The following PRICKLE1 variants were observed in gnomAD, a reference collection of about 807,000 sequenced individuals.
PRICKLE1 encodes prickle planar cell polarity protein 1, also known as prickle-like protein 1.
Under a neutral mutation model 70.2 loss-of-function variants are expected in PRICKLE1, and 14 were observed. The ratio of observed to expected loss-of-function variants is 0.20; its 90% CI spans 0.13 to 0.31. The LOEUF (loss-of-function observed/expected upper bound fraction) is 0.31. Ranked by LOEUF, PRICKLE1 falls within the 10% of genes least tolerant of loss-of-function variation. PRICKLE1 has a pLI of 1.00. For synonymous variants in PRICKLE1, 357 were observed against 379.9 expected, an observed-to-expected ratio of 0.94 and a Z score of 0.70; for missense variants, 821 against 1,026.2, an observed-to-expected ratio of 0.80 and a Z score of 2.73.
At position 42,459,362 on chromosome 12, in the gene PRICKLE1, G is replaced by A. The variant is rs1402057293; in HGVS notation, c.*447C>T. ...CCTCACAATAAGATGCACAGTGTTA[G>A]CTAGGTCATCGTGACAGGCATGCCT... On this transcript the variant is annotated 3_prime_UTR_variant, in exon 8 of 8. Coordinates refer to ENST00000345127, the MANE Select transcript of PRICKLE1 (RefSeq NM_153026.3). 1 of 702,344 alleles carries A rather than the reference G, an allele frequency of 1.4e-6. No homozygotes were observed. The highest frequency in any genetic ancestry group is 1.5e-5 in the South Asian group (1 of 67,590). 43.5% of individuals were successfully genotyped at this position (702,344 alleles called of 1,614,324 possible). A position where few individuals can be genotyped will look rare whatever the true frequency, so the allele number is the denominator to read the frequency against.
chr12:42,581,825 C>G (rs552591642), intron 1 of PRICKLE1, among the ~76,000 whole-genome samples: 2 of 152,044 alleles, frequency 1.3e-5, no homozygotes, highest in South Asian at 4.2e-4. Flanking sequence ...AAAAAAAGAC[C>G]CATGATACAC....
chr12:42,501,426 C>T (rs906438743), intron 1 of PRICKLE1, among the ~76,000 whole-genome samples: 9 of 144,504 alleles, frequency 6.2e-5, no homozygotes, highest in African/African-American at 2.3e-4. Context: ...AGGAGAATCG[C>T]TTGAACCCGG....
chr12:42,534,192 C>T (rs909369426), intron 1 of PRICKLE1, among the ~76,000 whole-genome samples: 7 of 152,070 alleles, frequency 4.6e-5, no homozygotes, highest in Non-Finnish European at 8.8e-5. Context: ...AGAGCAGATC[C>T]GGATGCAGAA....
At chr12:42,520,754 GT>G (rs1377104216) in intron 1 of PRICKLE1, among the ~76,000 whole-genome samples, 1 of 152,194 alleles carries the variant, frequency 6.6e-6, no homozygotes, top group African/African-American at 2.4e-5. Context: ...ACAGTGAGGT[GT>G]TGCAAATGTT....
chr12:42,550,804 A>G (rs1385720431), intron 1 of PRICKLE1, among the ~76,000 whole-genome samples: 1 of 152,220 alleles, frequency 6.6e-6, no homozygotes, highest in African/African-American at 2.4e-5. Flanking sequence ...CCATCTATAA[A>G]GGAGGAGACA....
Position 42,535,322 on chromosome 12 carries a change from C to T in PRICKLE1, c.-49+54143G>A, listed in dbSNP as rs543859414. ...ATCACAAAACATATAGATTCCACCA[C>T]GCTAGCACAAGATTTAGTCCTGGAC... is the stretch of plus-strand genomic sequence containing the variant. On this transcript the variant is annotated intron_variant, in intron 1 of 7. Transcript: ENST00000345127. 1.9e-4 allele frequency among the ~76,000 whole-genome samples: 29 copies of T among 152,288 alleles called. No individual in the cohort carries two copies. In the South Asian group the frequency reaches 3.9e-3, roughly 21 times the overall value.
chr12:42,529,187 T>C (rs1939864709), intron 1 of PRICKLE1, among the ~76,000 whole-genome samples: 3 of 152,238 alleles, frequency 2.0e-5, no homozygotes, highest in African/African-American at 7.2e-5. Context: ...ATATTTTATT[T>C]TGAATTTTAT....
At chr12:42,568,952 A>G (rs1282276256) in intron 1 of PRICKLE1, among the ~76,000 whole-genome samples, 2 of 152,252 alleles carry the variant, frequency 1.3e-5, no homozygotes. Flanking sequence ...TCTCTCAGAG[A>G]GCAACACTGA....
chr12:42,476,158 C>G (rs1301622348), intron 1 of PRICKLE1, among the ~76,000 whole-genome samples: 1 of 149,154 alleles, frequency 6.7e-6, no homozygotes, highest in African/African-American at 2.5e-5. Flanking sequence ...CTAAGAGTTG[C>G]TACATCATCA....
chr12:42,577,757 T>C (rs950393853), intron 1 of PRICKLE1, among the ~76,000 whole-genome samples: 1 of 152,206 alleles, frequency 6.6e-6, no homozygotes, highest in Non-Finnish European at 1.5e-5. Context: ...ATGCAATAAT[T>C]ATGTAAAAGC....
At chr12:42,534,938 A>C (rs957997739) in intron 1 of PRICKLE1, among the ~76,000 whole-genome samples, 58 of 152,182 alleles carry the variant, frequency 3.8e-4, no homozygotes, top group African/African-American at 1.3e-3. Context: ...ACTTCCTGAC[A>C]TTTATTTTCC....
At chr12:42,488,281 A>G (rs1171535158) in intron 1 of PRICKLE1, among the ~76,000 whole-genome samples, 1 of 152,126 alleles carries the variant, frequency 6.6e-6, no homozygotes, top group East Asian at 1.9e-4. Context: ...CTAATACCAG[A>G]TAGGTGTTTA....
chr12:42,494,411 T>C (rs1939157555), intron 1 of PRICKLE1, among the ~76,000 whole-genome samples: 1 of 152,236 alleles, frequency 6.6e-6, no homozygotes, highest in Admixed American at 6.5e-5. Flanking sequence ...ACTAACTTTA[T>C]GTAATATTCT....
At chr12:42,534,831 A>G (rs1251613596) in intron 1 of PRICKLE1, among the ~76,000 whole-genome samples, 1 of 152,254 alleles carries the variant, frequency 6.6e-6, no homozygotes, top group African/African-American at 2.4e-5. Context: ...AGATAAACCT[A>G]CCTATGAACA....
At chr12:42,492,260 C>G (rs746865134) in intron 1 of PRICKLE1, among the ~76,000 whole-genome samples, 2 of 152,138 alleles carry the variant, frequency 1.3e-5, no homozygotes, top group African/African-American at 4.8e-5. Flanking sequence ...AGGCACTACA[C>G]CCAGCTAAAT....
chr12:42,559,409 C>G (rs1940462561), intron 1 of PRICKLE1, among the ~76,000 whole-genome samples: 1 of 152,016 alleles, frequency 6.6e-6, no homozygotes, highest in Non-Finnish European at 1.5e-5. Flanking sequence ...GAGACAGGGT[C>G]TTGCTCTGTT....
At chr12:42,497,722 A>G (rs1469505262) in intron 1 of PRICKLE1, among the ~76,000 whole-genome samples, 1 of 152,210 alleles carries the variant, frequency 6.6e-6, no homozygotes, top group Non-Finnish European at 1.5e-5. Context: ...AATGTGACAC[A>G]GAGACACGAA....
intron 1 of PRICKLE1, among the ~76,000 whole-genome samples, chr12:42,542,909 T>C (rs914405016): frequency 2.0e-5 from 3 of 152,182 alleles, no homozygotes; most frequent in African/African-American, 2.4e-5. Context: ...ACCAGTGTGA[T>C]GGTTCTAGGA....
chr12:42,464,405 G>T lies in PRICKLE1; in HGVS notation c.1629C>A (p.Ser543=), dbSNP rs748556304. The change falls in exon 7 of 8, where the codon TCC becomes TCA. Residue 543 remains serine (S), a synonymous_variant. Coordinates refer to ENST00000345127, the MANE Select transcript of PRICKLE1 (RefSeq NM_153026.3). This position sits in a 1 kb window ranked among gnomAD's most constrained non-coding sequence, Gnocchi z 4.2. ...VRDSMDSLAL[S]NITGASVDGE... ...CCCTAGATTACGTACCTGTGATATTGGACAATGCCAAAGAATCCATCGAAT... is the reference window on the plus strand; with the variant it reads ...CCCTAGATTACGTACCTGTGATATTTGACAATGCCAAAGAATCCATCGAAT... 65 of 1,613,818 alleles carry T rather than the reference G, an allele frequency of 4.0e-5. No homozygotes were observed. Among genetic ancestry groups the T allele is most frequent in the Non-Finnish European group, 5.4e-5 (64 of 1,180,020 alleles).
Sources: gnomAD v4.1 joint callset for allele counts (sites outside exome capture counted in the v4.1 genomes callset) on GRCh38, gnomAD v4.1.1 for gene constraint, Gnocchi (gnomAD v3.1) non-coding constraint, MANE v1.5 for transcripts, NCBI Gene and HGNC (gene_info 2026-07-23, HGNC 2026-07-21) for gene names.